PCDHA8: variants seen among roughly 807,000 people sequenced by gnomAD.
PCDHA8 encodes protocadherin alpha-8.
Under a neutral mutation model 61.8 loss-of-function variants are expected in PCDHA8, and 53 were observed. That is an observed-to-expected ratio of 0.86 (90% confidence interval 0.69 to 1.08). The LOEUF is 1.08. PCDHA8 is among the 50% of genes least tolerant of loss of function. The pLI, the probability that PCDHA8 is intolerant of heterozygous loss-of-function variation, is 0.00. For synonymous variants in PCDHA8, 618 were observed against 556.6 expected (o/e 1.11, Z -1.55); for missense variants, 1,293 against 1,245.0 (o/e 1.04, Z -0.58).
chr5:140,881,538 C>A (rs879991805), intron 1 of PCDHA8, among the ~76,000 whole-genome samples: 1 of 152,196 alleles, frequency 6.6e-6, no homozygotes, highest in Middle Eastern at 3.2e-3. Flanking sequence ...TGACTGAACA[C>A]TTTCTTTTGA....
At chr5:140,864,420 G>T (rs1430010861) in intron 1 of PCDHA8, 1 of 152,158 alleles carries the variant, frequency 6.6e-6, no homozygotes, top group African/African-American at 2.4e-5. Context: ...AGGCAGCTTC[G>T]TCCACAAACA....
chr5:140,863,194 T>C (rs537580785), intron 1 of PCDHA8: 17 of 849,862 alleles, frequency 2.0e-5, no homozygotes, highest in African/African-American at 1.9e-4. Flanking sequence ...CGTGGTGGCG[T>C]CGCTGGCGGA....
At chr5:140,985,974 C>T (rs562510809) in intron 3 of PCDHA8, among the ~76,000 whole-genome samples, 3 of 152,198 alleles carry the variant, frequency 2.0e-5, no homozygotes, top group Admixed American at 1.3e-4. Context: ...CTCCTGACCT[C>T]GTGATCCGCC....
intron 1 of PCDHA8, chr5:140,861,770 C>CCAAT (rs386405128): frequency 6.2e-6 from 1 of 161,486 alleles, no homozygotes; most frequent in Non-Finnish European, 1.3e-5. Flanking sequence ...CCTGGAAATA[C>CCAAT]CAAGAGCAGG....
intron 1 of PCDHA8, among the ~76,000 whole-genome samples, chr5:140,942,794 A>C (rs782783696): frequency 2.6e-4 from 39 of 152,326 alleles, no homozygotes; most frequent in Middle Eastern, 3.4e-3. Flanking sequence ...TTACAAAGGC[A>C]TGTTTTCCAC....
chr5:140,845,177 C>T (rs1328451437), intron 1 of PCDHA8, among the ~76,000 whole-genome samples: 1 of 149,016 alleles, frequency 6.7e-6, no homozygotes, highest in East Asian at 1.9e-4. Context: ...TCATTTTAGT[C>T]CTTTAAAAAA....
At chr5:140,952,513 A>T (rs533436826) in intron 1 of PCDHA8, among the ~76,000 whole-genome samples, 7 of 152,028 alleles carry the variant, frequency 4.6e-5, no homozygotes, top group Non-Finnish European at 8.8e-5. Context: ...CCTCATCTCC[A>T]TCTGAGACCT....
intron 1 of PCDHA8, chr5:140,877,837 G>A (rs1313925880): frequency 6.3e-7 from 1 of 1,585,240 alleles, no homozygotes; most frequent in African/African-American, 1.4e-5. Context: ...TCCTCCCAGT[G>A]AAGTAAGTTA....
At chr5:140,949,663 T>C (rs1038571728) in intron 1 of PCDHA8, among the ~76,000 whole-genome samples, 2 of 151,872 alleles carry the variant, frequency 1.3e-5, no homozygotes, top group Non-Finnish European at 3.0e-5. Flanking sequence ...TTTGTTTCTT[T>C]AAAGTATGCC....
chr5:140,950,110 C>A (rs542585854), intron 1 of PCDHA8, among the ~76,000 whole-genome samples: 23 of 151,848 alleles, frequency 1.5e-4, no homozygotes, highest in African/African-American at 5.5e-4. Context: ...AAATCTCATA[C>A]AATACAAAAC....
intron 1 of PCDHA8, chr5:140,928,999 G>C: frequency 1.2e-6 from 2 of 1,613,936 alleles, no homozygotes; most frequent in Non-Finnish European, 1.7e-6. Context: ...ACTTTTCTTC[G>C]TGTGTACCAA....
chr5:140,877,006 G>T, intron 1 of PCDHA8: 2 of 1,612,484 alleles, frequency 1.2e-6, no homozygotes, highest in Non-Finnish European at 1.7e-6. Context: ...GTCGGTGCAC[G>T]CGGAGAGCGG....
At chr5:140,928,277 C>A (rs2085098556) in intron 1 of PCDHA8, 2 of 1,614,156 alleles carry the variant, frequency 1.2e-6, no homozygotes, top group South Asian at 2.2e-5. Context: ...GGCCCTGGGG[C>A]CTCTCTAGGC....
intron 3 of PCDHA8, among the ~76,000 whole-genome samples, chr5:140,999,602 G>A (rs150839481): frequency 5.1e-4 from 78 of 152,202 alleles, no homozygotes; most frequent in African/African-American, 1.9e-3. Flanking sequence ...CTACATCCTG[G>A]GGGACCTTAT....
chr5:140,928,000 G>C, intron 1 of PCDHA8: 1 of 1,614,166 alleles, frequency 6.2e-7, no homozygotes. Flanking sequence ...TGAAGACCTC[G>C]ATTCTAATGG....
intron 1 of PCDHA8, chr5:140,966,896 C>G (rs910624863): frequency 6.3e-6 from 10 of 1,596,816 alleles, no homozygotes; most frequent in Non-Finnish European, 8.5e-6. Flanking sequence ...GGCCTCCCAG[C>G]TGCGATACTC....
chr5:140,926,652 C>T, intron 1 of PCDHA8: 1 of 499,312 alleles, frequency 2.0e-6, no homozygotes, highest in East Asian at 3.6e-5. Flanking sequence ...CGGCCGGCTC[C>T]GCTTTCCCAG....
chr5:140,935,894 C>CTTTT (rs55841305), intron 1 of PCDHA8, among the ~76,000 whole-genome samples: 9 of 136,750 alleles, frequency 6.6e-5, no homozygotes, highest in South Asian at 2.3e-4. Flanking sequence ...TCAATATTAT[C>CTTTT]TTTTTTTTTT....
chr5:140,927,155 G>A (rs2083907874), intron 1 of PCDHA8: 1 of 1,614,076 alleles, frequency 6.2e-7, no homozygotes, highest in Non-Finnish European at 8.5e-7. Flanking sequence ...CAGCTGTGCA[G>A]GGCCAAAGCT....
Sources: allele counts gnomAD v4.1 joint callset (sites outside exome capture counted in the v4.1 genomes callset), GRCh38; gene constraint gnomAD v4.1.1; transcripts MANE v1.5; gene names NCBI Gene and HGNC (gene_info 2026-07-23, HGNC 2026-07-21).